LAP3: variants seen among roughly 807,000 people sequenced by gnomAD.
The protein encoded by LAP3 is cytosol aminopeptidase.
A neutral mutation model predicts 58.8 loss-of-function variants in LAP3; 46 were observed. The observed-to-expected ratio is 0.78, with a 90% CI of 0.62 to 1.00. The LOEUF (loss-of-function observed/expected upper bound fraction) is 1.00, where lower values mean the gene tolerates loss of function less well. LAP3 is among the 50% of genes least tolerant of loss of function. LAP3 has a pLI of 0.00. For synonymous variants in LAP3, 257 were observed against 237.7 expected, an observed-to-expected ratio of 1.08 and a Z score of -0.75; for missense variants, 615 against 659.1, an observed-to-expected ratio of 0.93 and a Z score of 0.73.
At chr4:17,580,554 G>T (rs1314177199) in intron 2 of LAP3, among the ~76,000 whole-genome samples, 1 of 151,934 alleles carries the variant, frequency 6.6e-6, no homozygotes, top group African/African-American at 2.4e-5. Flanking sequence ...CACCCTCCTG[G>T]CTCAAATTCA....
In LAP3 at chr4:17,606,809, C is replaced by A. The variant is rs771957670; in HGVS notation, c.1261-20C>A. 4 of 1,554,968 alleles carry A rather than the reference C, an allele frequency of 2.6e-6. No individual in the cohort carries two copies. The highest frequency in any genetic ancestry group is 3.6e-5 in the Admixed American group (2 of 55,550). ...CAACCTGCCTCATCCACTCTTCCACCTGTCATACCTGTTCTCTAGGCCAGC... is the reference window on the plus strand; with the variant it reads ...CAACCTGCCTCATCCACTCTTCCACATGTCATACCTGTTCTCTAGGCCAGC... On this transcript the variant is annotated intron_variant, in intron 11 of 12. Coordinates refer to ENST00000226299, the MANE Select transcript of LAP3 (RefSeq NM_015907.3).
At position 17,577,574 on chromosome 4, in the gene LAP3, G is replaced by A. The variant is rs1713242190; in HGVS notation, c.102+7G>A. 4 of 1,538,124 alleles carry A rather than the reference G, an allele frequency of 2.6e-6. No individual in the cohort carries two copies. In the Admixed American group the frequency reaches 8.0e-5, roughly 31 times the overall value. On this transcript the variant is annotated splice_region_variant and intron_variant, in intron 1 of 12. Coordinates refer to ENST00000226299, the MANE Select transcript of LAP3 (RefSeq NM_015907.3). ...CACCGCAGACATGACGAAGGTGAGAGGCGGCGGCTCGCTCATGGTCCGCCG... is the reference window on the plus strand; with the variant it reads ...CACCGCAGACATGACGAAGGTGAGAAGCGGCGGCTCGCTCATGGTCCGCCG...
intron 10 of LAP3, among the ~76,000 whole-genome samples, chr4:17,603,758 C>G (rs999565664): frequency 1.3e-5 from 2 of 151,800 alleles, no homozygotes; most frequent in African/African-American, 4.8e-5. Flanking sequence ...AGGTGATCCA[C>G]CCGCCTCAGC....
rs1714007786 is a variant in LAP3, at chr4:17,602,602, G to A, written c.1181-1986G>A. Among the ~76,000 whole-genome samples the A allele has an allele frequency of 2.0e-5, 3 of 152,152 alleles. No individual in the cohort carries two copies. The South Asian group carries it at 6.2e-4, about 32-fold the overall frequency. On this transcript the variant is annotated intron_variant, in intron 10 of 12. Transcript: ENST00000226299. ...TGTGATTAAAATTGCTGAAAAATTAGATTCCTTAAATTATGATATCTCCAT... is the reference window on the plus strand; with the variant it reads ...TGTGATTAAAATTGCTGAAAAATTAAATTCCTTAAATTATGATATCTCCAT...
intron 8 of LAP3, among the ~76,000 whole-genome samples, chr4:17,596,463 T>G (rs1713834408): frequency 1.3e-5 from 2 of 152,050 alleles, no homozygotes; most frequent in African/African-American, 4.8e-5. Context: ...CCTCAGCCTC[T>G]TGAGTAGCTG....
At position 17,598,476 on chromosome 4, in the gene LAP3, G is replaced by A; in HGVS notation, c.1098G>A (p.Glu366=). ...TGCAGGTTGATAACACTGATGCTGA[G>A]GGGAGGCTCATACTGGCTGATGCGC... ...KTIQVDNTDA[E]GRLILADALC... is the part of the protein sequence containing the mutation. The change falls in exon 10 of 13, where the codon GAG becomes GAA. Residue 366 remains glutamate (E), a synonymous_variant. Transcript: ENST00000226299. 1 of 1,613,978 alleles carries A rather than the reference G, an allele frequency of 6.2e-7. No homozygotes were observed. Among genetic ancestry groups the A allele is most frequent in the Admixed American group, 1.7e-5 (1 of 60,028 alleles).
At position 17,582,345 on chromosome 4, in the gene LAP3, C is replaced by A; in HGVS notation, c.331C>A (p.Gln111Lys). 1 of 1,614,144 alleles carries A rather than the reference C, an allele frequency of 6.2e-7. No individual in the cohort carries two copies. Among genetic ancestry groups the A allele is most frequent in the Non-Finnish European group, 8.5e-7 (1 of 1,180,022 alleles). Residue 111 changes from glutamine to lysine, a missense_variant, in exon 4 of 13, where the codon CAG becomes AAG. Gln to Lys is a moderately conservative substitution (Grantham distance 53, BLOSUM62 1). Coordinates refer to ENST00000226299, the MANE Select transcript of LAP3 (RefSeq NM_015907.3). ...LGKKAAGIDE[Q>K]ENWHEGKENI... ...CAAAAAGGCAGCTGGAATCGACGAA[C>A]AGGAAAACTGGCATGAAGGCAAAGA...
At chr4:17,587,306 A>G (rs527519808) in intron 6 of LAP3, among the ~76,000 whole-genome samples, 4 of 152,304 alleles carry the variant, frequency 2.6e-5, no homozygotes, top group Admixed American at 6.5e-5. Flanking sequence ...AGCACTCTCC[A>G]TTGTAGGTCA....
At chr4:17,605,570 T>C (rs1009060675) in intron 11 of LAP3, among the ~76,000 whole-genome samples, 1 of 95,406 alleles carries the variant, frequency 1.0e-5, no homozygotes, top group Admixed American at 1.3e-4. Context: ...ACATAAAATG[T>C]CCCCAAATAT....
rs776389339 is a variant in LAP3, at chr4:17,585,060, A to T, written c.628A>T (p.Met210Leu). 5 of 1,614,090 alleles carry T rather than the reference A, an allele frequency of 3.1e-6. No individual in the cohort carries two copies. The highest frequency in any genetic ancestry group is 1.1e-5 in the South Asian group (1 of 91,082). The change falls in exon 6 of 13, where the codon ATG (methionine) becomes TTG (leucine). Residue 210 changes from methionine to leucine, a missense_variant. Transcript: ENST00000226299. Reference sequence around the variant, plus strand: ...ATTGATGGAGACGCCAGCCAATGAGATGACGCCAACCAGATTTGCTGAAAT... The same window carrying T: ...ATTGATGGAGACGCCAGCCAATGAGTTGACGCCAACCAGATTTGCTGAAAT... Reference protein sequence around the residue: ...RQLMETPANEMTPTRFAEIIE... With the variant: ...RQLMETPANELTPTRFAEIIE...
chr4:17,597,272 C>T (rs1713854454), intron 9 of LAP3, 138 bp downstream of exon 9: 1 of 704,484 alleles, frequency 1.4e-6, no homozygotes, highest in Non-Finnish European at 2.5e-6. Flanking sequence ...GCTGGGTAGC[C>T]TTTCTTTTCC....
chr4:17,588,703 G>T, intron 6 of LAP3, 116 bp from the exon 7 acceptor site: 1 of 920,264 alleles, frequency 1.1e-6, no homozygotes, highest in Non-Finnish European at 1.6e-6. Flanking sequence ...ACCTTAATGT[G>T]CGTATACTTT....
At chr4:17,602,273 C>T (rs1292375132) in intron 10 of LAP3, among the ~76,000 whole-genome samples, 1 of 152,074 alleles carries the variant, frequency 6.6e-6, no homozygotes, top group Non-Finnish European at 1.5e-5. Flanking sequence ...TAAGGATATG[C>T]CTAGGAAGCA....
intron 8 of LAP3, among the ~76,000 whole-genome samples, chr4:17,595,893 G>A (rs902229614): frequency 6.6e-6 from 1 of 152,082 alleles, no homozygotes; most frequent in Non-Finnish European, 1.5e-5. Context: ...GATTGTGGCC[G>A]GTGAAATGGC....
chr4:17,600,492 A>G (rs1270421486), intron 10 of LAP3, among the ~76,000 whole-genome samples: 3 of 152,198 alleles, frequency 2.0e-5, no homozygotes, highest in African/African-American at 7.2e-5. Flanking sequence ...TACATCAGAT[A>G]CGTCAAGTTC....
intron 9 of LAP3, among the ~76,000 whole-genome samples, chr4:17,597,391 C>T (rs1051312329): frequency 1.4e-4 from 22 of 152,198 alleles, no homozygotes; most frequent in Non-Finnish European, 2.6e-4. Flanking sequence ...GTCCTCACAC[C>T]TTAGCGACCT....
At position 17,577,222 on chromosome 4, in the gene LAP3, A is replaced by C. The variant is rs559142469; in HGVS notation, c.-244A>C. 419 of 357,904 alleles carry C rather than the reference A, an allele frequency of 1.2e-3. 1 individual carries two copies. Among genetic ancestry groups the C allele is most frequent in the African/African-American group, 8.9e-3 (403 of 45,138 alleles). 22.2% of individuals were successfully genotyped at this position (357,904 alleles called of 1,614,324 possible). ...CGCACACGAATGCGGGCGCACACGAATGCGGGCGCACACGAATGCGGGCGC... is the reference window on the plus strand; with the variant it reads ...CGCACACGAATGCGGGCGCACACGACTGCGGGCGCACACGAATGCGGGCGC... On this transcript the variant is annotated 5_prime_UTR_variant, in exon 1 of 13. An upstream start codon of the reference 5' UTR is lost. Coordinates refer to ENST00000226299, the MANE Select transcript of LAP3 (RefSeq NM_015907.3).
intron 3 of LAP3, 78 bp downstream of exon 3, chr4:17,581,892 T>TG: frequency 1.8e-6 from 2 of 1,088,342 alleles, no homozygotes; most frequent in Non-Finnish European, 2.8e-6. Flanking sequence ...TGTCTAGTCA[T>TG]ACTAAACATT....
In LAP3 at chr4:17,594,039, C is replaced by A. The variant is rs567815928; in HGVS notation, c.864-1371C>A. ...CAGTGGTGAGACTGATACAGAAAGA[C>A]CCGTTAAGGAGACCTGACAAACATC... On this transcript the variant is annotated intron_variant, in intron 7 of 12. Transcript: ENST00000226299. 5.3e-4 allele frequency among the ~76,000 whole-genome samples: 80 copies of A among 152,178 alleles called. 1 individual carries two copies. Among genetic ancestry groups the A allele is most frequent in the Middle Eastern group, 6.8e-3 (2 of 294 alleles).
Sources: gnomAD v4.1 joint callset for allele counts (sites outside exome capture counted in the v4.1 genomes callset) on GRCh38, gnomAD v4.1.1 for gene constraint, MANE v1.5 for transcripts, NCBI Gene and HGNC (gene_info 2026-07-23, HGNC 2026-07-21) for gene names.